The following CERS4 variants were observed in gnomAD, a reference collection of about 807,000 sequenced individuals.
The protein encoded by CERS4 is ceramide synthase 4, also known as LAG1 homolog, ceramide synthase 4.
In CERS4, 65 loss-of-function variants were observed where a neutral mutation model predicts 51.8. The ratio of observed to expected loss-of-function variants is 1.26; its 90% CI spans 1.03 to 1.54. The LOEUF (loss-of-function observed/expected upper bound fraction) is 1.54, where lower values mean the gene tolerates loss of function less well. Ranked by LOEUF, CERS4 falls within the 40% of genes most tolerant of loss-of-function variation. The pLI is 0.00. For missense variants in CERS4, 563 were observed against 500.4 expected (o/e 1.13, Z -1.19); for synonymous variants, 228 against 208.4 (o/e 1.09, Z -0.81).
At chr19:8,252,814 A>G (rs1969156672) in intron 3 of CERS4, among the ~76,000 whole-genome samples, 1 of 152,100 alleles carries the variant, frequency 6.6e-6, no homozygotes, top group Admixed American at 6.6e-5. Context: ...AGTTCAAGCA[A>G]TCCTCCCGCC....
intron 2 of CERS4, among the ~76,000 whole-genome samples, chr19:8,237,816 A>C (rs892996601): frequency 4.6e-5 from 7 of 152,200 alleles, no homozygotes; most frequent in East Asian, 1.9e-4. Flanking sequence ...GCGCCACTGC[A>C]CACCAGCCTG....
chr19:8,243,005 G>A (rs1968602935), intron 2 of CERS4, among the ~76,000 whole-genome samples: 1 of 150,242 alleles, frequency 6.7e-6, no homozygotes, highest in Admixed American at 6.6e-5. Flanking sequence ...GGCCTTCCTA[G>A]GACACCTAGT....
In CERS4 at chr19:8,256,995, T is replaced by C. The variant is rs1969423289; in HGVS notation, c.659T>C (p.Met220Thr). ...CACCACTTCGTGGCGGTCATCCTGATGACCTTCTCCTACAGTGCCAACCTG... is the reference window on the plus strand; with the variant it reads ...CACCACTTCGTGGCGGTCATCCTGACGACCTTCTCCTACAGTGCCAACCTG... ...VIHHFVAVIL[M>T]TFSYSANLLR... The change falls in exon 9 of 12, where the codon ATG becomes ACG. Residue 220 changes from methionine (M) to threonine (T), a missense_variant. Physicochemically the swap from Met to Thr is moderately conservative, Grantham distance 81. Coordinates refer to ENST00000251363, the MANE Select transcript of CERS4 (RefSeq NM_024552.3). 2 of 1,613,922 alleles carry C rather than the reference T, an allele frequency of 1.2e-6. No homozygotes were observed. The highest frequency in any genetic ancestry group is 1.7e-6 in the Non-Finnish European group (2 of 1,179,796).
intron 8 of CERS4, 59 bp downstream of exon 8, chr19:8,256,769 G>C (rs774193278): frequency 2.5e-6 from 4 of 1,583,520 alleles, no homozygotes; most frequent in Non-Finnish European, 3.4e-6. Flanking sequence ...GGGGTGCTGG[G>C]GGGTAGGGCA....
At position 8,246,106 on chromosome 19, in the gene CERS4, A is replaced by C. The variant is rs1350920250; in HGVS notation, c.-1-4970A>C. On this transcript the variant is annotated intron_variant, in intron 2 of 11. Coordinates refer to ENST00000251363, the MANE Select transcript of CERS4 (RefSeq NM_024552.3). ...TCTAAACAACAACAACAACAAAAAA[A>C]CAAAAAAACTGGAATGGTTGTTACT... Among the ~76,000 whole-genome samples the C allele has an allele frequency of 6.6e-5, 10 of 150,812 alleles. No homozygotes were observed. The East Asian group carries it at 2.0e-3, about 30-fold the overall frequency.
At chr19:8,250,920 G>C (rs768759829) in intron 2 of CERS4, 156 bp from the exon 3 acceptor site, 53 of 1,457,350 alleles carry the variant, frequency 3.6e-5, no homozygotes, top group Non-Finnish European at 4.7e-5. Context: ...CAAAGTCCCA[G>C]GCAAGGGGAG....
At chr19:8,217,747 C>T (rs1967363273) in intron 2 of CERS4, among the ~76,000 whole-genome samples, 1 of 152,114 alleles carries the variant, frequency 6.6e-6, no homozygotes, top group Admixed American at 6.6e-5. Flanking sequence ...CCCTGTTAGC[C>T]AGGATGGTCT....
intron 10 of CERS4, chr19:8,261,256 G>C (rs1969687082): frequency 6.0e-6 from 1 of 167,916 alleles, no homozygotes; most frequent in South Asian, 1.6e-4. Flanking sequence ...CTGGGAGATG[G>C]AGCCCTGCTC....
intron 2 of CERS4, among the ~76,000 whole-genome samples, chr19:8,221,872 G>GGTTTT (rs1369509513): frequency 7.6e-5 from 3 of 39,468 alleles, no homozygotes; most frequent in Admixed American, 4.1e-4. Context: ...ATTTTTTTAT[G>GGTTTT]TTTTTTTTTT....
chr19:8,261,687 G>C lies in CERS4; in HGVS notation c.849-1G>C. 3 of 1,613,956 alleles carry C rather than the reference G, an allele frequency of 1.9e-6. No individual in the cohort carries two copies. The South Asian group carries it at 3.3e-5, about 18-fold the overall frequency. On this transcript the variant is annotated splice_acceptor_variant, in intron 10 of 11. Coordinates refer to ENST00000251363, the MANE Select transcript of CERS4 (RefSeq NM_024552.3). LOFTEE classifies it high-confidence loss of function. ...GCCTCCTCCTCTCCCCCTGGCTGTAGGATCCTCTACACCACATACTACGAG... is the reference window on the plus strand; with the variant it reads ...GCCTCCTCCTCTCCCCCTGGCTGTACGATCCTCTACACCACATACTACGAG...
chr19:8,234,471 A>G (rs11880903), intron 2 of CERS4, among the ~76,000 whole-genome samples: 35,745 of 151,290 alleles, frequency 0.24, 4,337 homozygotes, highest in South Asian at 0.32. Flanking sequence ...TTGTTTTCCA[A>G]AACTGAAATG....
Position 8,247,204 on chromosome 19 carries a change from C to T in CERS4, c.-1-3872C>T, listed in dbSNP as rs190234986. On this transcript the variant is annotated intron_variant, in intron 2 of 11. Transcript: ENST00000251363. ...AAATAATCCAGATTCTTCCCTGCGG[C>T]CCCCATGCCTTGCAGGCTCTGTGCT... Among the ~76,000 whole-genome samples the T allele has an allele frequency of 9.2e-4, 140 of 152,178 alleles. 1 individual carries two copies. The highest frequency in any genetic ancestry group is 3.1e-3 in the African/African-American group (127 of 41,534).
chr19:8,224,083 G>C (rs947496109), intron 2 of CERS4, among the ~76,000 whole-genome samples: 3 of 138,096 alleles, frequency 2.2e-5, no homozygotes, highest in Non-Finnish European at 4.6e-5. Flanking sequence ...TCCAGCCTGG[G>C]TGACAGCAAG....
At chr19:8,217,360 G>A (rs971644360) in intron 2 of CERS4, among the ~76,000 whole-genome samples, 3 of 151,884 alleles carry the variant, frequency 2.0e-5, no homozygotes, top group African/African-American at 7.3e-5. Context: ...TGAAGGCAAG[G>A]AGAGGCTCGT....
chr19:8,243,198 A>G (rs1260310581), intron 2 of CERS4, among the ~76,000 whole-genome samples: 2 of 38,864 alleles, frequency 5.1e-5, no homozygotes, highest in East Asian at 6.2e-4. Context: ...TGTCTCTAAA[A>G]AAAAAAAAAA....
intron 4 of CERS4, among the ~76,000 whole-genome samples, chr19:8,255,061 ACCCT>A (rs2145313939): frequency 6.6e-6 from 1 of 151,846 alleles, no homozygotes; most frequent in Non-Finnish European, 1.5e-5. Flanking sequence ...CAGCCCTGTG[ACCCT>A]CCCTCCATTC....
chr19:8,240,860 C>T (rs575502387), intron 2 of CERS4, among the ~76,000 whole-genome samples: 80 of 152,228 alleles, frequency 5.3e-4, no homozygotes, highest in Non-Finnish European at 1.0e-4. Flanking sequence ...ACCCACCTCC[C>T]GTGTCAGTAC....
chr19:8,257,180 G>GC (rs1376588985), intron 9 of CERS4, 103 bp downstream of exon 9: 1 of 1,239,500 alleles, frequency 8.1e-7, no homozygotes, highest in African/African-American at 1.5e-5. Flanking sequence ...GGGAGATGGA[G>GC]CCCCACCCCT....
intron 9 of CERS4, among the ~76,000 whole-genome samples, chr19:8,257,608 G>C (rs549458847): frequency 2.0e-5 from 3 of 152,006 alleles, no homozygotes; most frequent in African/African-American, 7.2e-5. Flanking sequence ...TTTTGTATTT[G>C]TAGTAGAGAT....
Sources: allele counts gnomAD v4.1 joint callset (sites outside exome capture counted in the v4.1 genomes callset), GRCh38; gene constraint gnomAD v4.1.1; transcripts MANE v1.5; gene names NCBI Gene and HGNC (gene_info 2026-07-23, HGNC 2026-07-21).